Variants in CBY1 observed in about 807,000 individuals in gnomAD.
The protein encoded by CBY1 is chibby 1, beta catenin antagonist.
In CBY1, 10 loss-of-function variants were observed where a neutral mutation model predicts 15.6. The observed-to-expected ratio is 0.64, with a 90% CI of 0.40 to 1.09. The LOEUF (loss-of-function observed/expected upper bound fraction) is 1.09. Ranked by LOEUF, CBY1 falls within the 50% of genes least tolerant of loss-of-function variation. The pLI is 0.01. For missense variants in CBY1, 150 were observed against 160.5 expected (o/e 0.93, Z 0.35); for synonymous variants, 61 against 63.5 (o/e 0.96, Z 0.19).
chr22:38,662,947 C>T (rs2092426011), intron 1 of CBY1, among the ~76,000 whole-genome samples: 1 of 151,956 alleles, frequency 6.6e-6, no homozygotes, highest in Admixed American at 6.6e-5. Flanking sequence ...TGGCGAAACA[C>T]CATCTCTGCT....
At chr22:38,660,790 C>T (rs189759189) in intron 1 of CBY1, among the ~76,000 whole-genome samples, 1,240 of 37,612 alleles carry the variant, frequency 0.033, 9 homozygotes, top group Admixed American at 0.046. Context: ...CAGGCTGGAG[C>T]GCAATGACAC....
At chr22:38,670,846 G>T in intron 2 of CBY1, 38 bp from the exon 3 acceptor site, 1 of 1,421,490 alleles carries the variant, frequency 7.0e-7, no homozygotes, top group South Asian at 1.1e-5. Context: ...GGCGTGTTCC[G>T]GGCCTGCTGA....
intron 1 of CBY1, among the ~76,000 whole-genome samples, chr22:38,661,522 A>T (rs906463460): frequency 6.6e-6 from 1 of 152,232 alleles, no homozygotes; most frequent in Non-Finnish European, 1.5e-5. Context: ...ATGAGCACAT[A>T]ACCCCAAATA....
rs748750010 is a variant in CBY1 at position 38,673,179 on chromosome 22, A to G, written c.324A>G (p.Glu108=). ...LLDMLSESTA[E]SHLMEKELDE... is the part of the protein sequence containing the mutation. ...TTCAGCTTTCAGAGTCCACTGCTGA[A>G]TCCCACTTAATGGAGAAGGAACTGG... Residue 108 remains glutamate (E), a synonymous_variant, in exon 5 of 5, where the codon GAA becomes GAG. Transcript: ENST00000216029. The G allele has an allele frequency of 6.2e-7, 1 of 1,612,362 alleles. No homozygotes were observed. The highest frequency in any genetic ancestry group is 1.1e-5 in the South Asian group (1 of 91,038).
intron 1 of CBY1, among the ~76,000 whole-genome samples, chr22:38,658,924 A>ATTTTAT (rs953700377): frequency 2.3e-4 from 35 of 152,052 alleles, no homozygotes; most frequent in Admixed American, 3.3e-4. Context: ...GCTATTTACA[A>ATTTTAT]TTTTATTTTT....
At chr22:38,657,533 A>G (rs1163263648) in intron 1 of CBY1, among the ~76,000 whole-genome samples, 1 of 152,252 alleles carries the variant, frequency 6.6e-6, no homozygotes, top group Non-Finnish European at 1.5e-5. Flanking sequence ...TCTCAAGTGC[A>G]CGCGGATGCC....
At chr22:38,666,502 G>T (rs1393496611) in intron 1 of CBY1, 1 of 152,062 alleles carries the variant, frequency 6.6e-6, no homozygotes, top group African/African-American at 2.4e-5. Flanking sequence ...CAAATGTACA[G>T]GTTGGGGGGG....
chr22:38,663,245 A>G (rs2092426729), intron 1 of CBY1, among the ~76,000 whole-genome samples: 1 of 151,814 alleles, frequency 6.6e-6, no homozygotes, highest in African/African-American at 2.4e-5. Flanking sequence ...TCACGAGGTC[A>G]AGAGATTGAG....
intron 1 of CBY1, among the ~76,000 whole-genome samples, chr22:38,665,045 T>A (rs1418254203): frequency 6.6e-6 from 1 of 152,168 alleles, no homozygotes; most frequent in Non-Finnish European, 1.5e-5. Flanking sequence ...GGTCTCATTA[T>A]GTTGCCTAGG....
intron 2 of CBY1, 63 bp downstream of exon 2, chr22:38,668,195 G>C: frequency 1.0e-6 from 1 of 987,940 alleles, no homozygotes; most frequent in South Asian, 1.3e-5. Flanking sequence ...GCGTGTCTCT[G>C]AATGGAAAGT....
At chr22:38,659,091 A>G (rs1163166287) in intron 1 of CBY1, among the ~76,000 whole-genome samples, 1 of 152,008 alleles carries the variant, frequency 6.6e-6, no homozygotes, top group Admixed American at 6.6e-5. Context: ...GCACGCCAAC[A>G]TACTGGGCTA....
intron 1 of CBY1, among the ~76,000 whole-genome samples, chr22:38,663,661 A>G (rs1400770172): frequency 6.9e-6 from 1 of 145,240 alleles, no homozygotes; most frequent in Non-Finnish European, 1.5e-5. Flanking sequence ...GCGCCATTGC[A>G]CTTCAGCCTG....
chr22:38,667,963 T>G (rs2092441640), intron 1 of CBY1, 54 bp from the exon 2 acceptor site: 2 of 891,392 alleles, frequency 2.2e-6, no homozygotes. Context: ...TTGAAGACAA[T>G]GGCATAAGGT....
In CBY1 at chr22:38,660,623, T is replaced by TACAC. The variant is rs67187850; in HGVS notation, c.-39+3892_-39+3895dup. On this transcript the variant is annotated intron_variant, in intron 1 of 4. Coordinates refer to ENST00000216029, the MANE Select transcript of CBY1 (RefSeq NM_015373.4). ...CCATATATGTGTGTGTACAGGTACA[T>TACAC]ACACACACACACACACACACACGCA... Among the ~76,000 whole-genome samples, 1,458 of 149,818 alleles carry TACAC rather than the reference T, an allele frequency of 9.7e-3. 15 individuals are homozygous for TACAC. The highest frequency in any genetic ancestry group is 0.028 in the Middle Eastern group (8 of 290).
intron 4 of CBY1, chr22:38,671,844 C>G (rs557343779): frequency 6.6e-6 from 1 of 152,348 alleles, no homozygotes; most frequent in African/African-American, 2.4e-5. Context: ...GGCATAATAG[C>G]TAATTGTGGT....
chr22:38,672,454 G>C (rs912156471), intron 4 of CBY1, among the ~76,000 whole-genome samples: 2 of 151,746 alleles, frequency 1.3e-5, no homozygotes, highest in African/African-American at 4.8e-5. Flanking sequence ...TCAGCCTCCT[G>C]ATTAGCACCC....
intron 1 of CBY1, among the ~76,000 whole-genome samples, chr22:38,665,281 G>C (rs1294447330): frequency 1.3e-5 from 2 of 152,134 alleles, no homozygotes; most frequent in African/African-American, 2.4e-5. Context: ...TAGGCAACAT[G>C]ACGAAACTCC....
rs377451904 is a variant in CBY1 at position 38,673,210 on chromosome 22, C to T, written c.355C>T (p.Leu119=). The T allele has an allele frequency of 6.2e-7, 1 of 1,612,414 alleles. No individual in the cohort carries two copies. The highest frequency in any genetic ancestry group is 2.2e-5 in the East Asian group (1 of 44,876). ...CTTAATGGAGAAGGAACTGGATGAACTGAGGATCAGCCGGAAGAGAAAATG... is the reference window on the plus strand; with the variant it reads ...CTTAATGGAGAAGGAACTGGATGAATTGAGGATCAGCCGGAAGAGAAAATG... The part of the protein sequence containing the change: ...SHLMEKELDE[L]RISRKRK The change falls in exon 5 of 5, where the codon CTG becomes TTG. Residue 119 remains leucine, a synonymous_variant. Coordinates refer to ENST00000216029, the MANE Select transcript of CBY1 (RefSeq NM_015373.4).
chr22:38,661,858 A>G (rs2092423065), intron 1 of CBY1, among the ~76,000 whole-genome samples: 1 of 152,134 alleles, frequency 6.6e-6, no homozygotes, highest in African/African-American at 2.4e-5. Context: ...TTTATTTCAT[A>G]ATGTAGTGAA....
Sources: allele counts gnomAD v4.1 joint callset (sites outside exome capture counted in the v4.1 genomes callset), GRCh38; gene constraint gnomAD v4.1.1; transcripts MANE v1.5; gene names NCBI Gene and HGNC (gene_info 2026-07-23, HGNC 2026-07-21).